Variants in OSBPL9 observed in about 807,000 individuals in gnomAD.
OSBPL9 encodes oxysterol-binding protein-related protein 9.
Under a neutral mutation model 106.6 loss-of-function variants are expected in OSBPL9, and 40 were observed. That is an observed-to-expected ratio of 0.38 (90% confidence interval 0.29 to 0.49). OSBPL9 has a LOEUF of 0.49. Ranked by LOEUF, OSBPL9 falls within the 20% of genes least tolerant of loss-of-function variation. The pLI is 0.97. For missense variants in OSBPL9, 609 were observed against 887.2 expected, an observed-to-expected ratio of 0.69 and a Z score of 3.98; for synonymous variants, 269 against 295.4, an observed-to-expected ratio of 0.91 and a Z score of 0.92.
Position 51,743,253 on chromosome 1 carries a change from G to A in OSBPL9, c.319-2283G>A, listed in dbSNP as rs78572564. ...CTAAAGAAAAATGGATTGATGAGTAGATCTTTGGCTTGGACCTTGTGAAGT... is the reference window on the plus strand; with the variant it reads ...CTAAAGAAAAATGGATTGATGAGTAAATCTTTGGCTTGGACCTTGTGAAGT... On this transcript the variant is annotated intron_variant, in intron 4 of 23. Transcript: ENST00000428468. Among the ~76,000 whole-genome samples the A allele has an allele frequency of 3.8e-3, 582 of 152,278 alleles. 2 individuals carry two copies. The highest frequency in any genetic ancestry group is 6.8e-3 in the Non-Finnish European group (461 of 68,016).
At chr1:51,738,423 T>C (rs1468209994) in intron 4 of OSBPL9, among the ~76,000 whole-genome samples, 2 of 152,108 alleles carry the variant, frequency 1.3e-5, no homozygotes, top group African/African-American at 4.8e-5. Flanking sequence ...ATTCTGGTTT[T>C]TCAAAGCACT....
rs118077108 is a variant in OSBPL9, at chr1:51,697,301, A to T, written c.242-16702A>T. ...ATCATGAATTGTTTTATCCTTGCTC[A>T]TATACCAAACATAGTACCCCGTGCA... On this transcript the variant is annotated intron_variant, in intron 3 of 23. Coordinates refer to ENST00000428468, the MANE Select transcript of OSBPL9 (RefSeq NM_024586.6). Among the ~76,000 whole-genome samples, 102 of 152,230 alleles carry T rather than the reference A, an allele frequency of 6.7e-4. No individual in the cohort carries two copies. The East Asian group carries it at 0.016, about 24-fold the overall frequency.
chr1:51,754,047 GTTC>G (rs1669827143), intron 8 of OSBPL9, among the ~76,000 whole-genome samples: 2 of 152,340 alleles, frequency 1.3e-5, no homozygotes, highest in South Asian at 4.1e-4. Flanking sequence ...GACAGCTGAT[GTTC>G]TTCTCCTGGG....
intron 3 of OSBPL9, among the ~76,000 whole-genome samples, chr1:51,697,956 G>A (rs1025961700): frequency 1.3e-5 from 2 of 151,804 alleles, no homozygotes; most frequent in African/African-American, 4.8e-5. Flanking sequence ...CTGTTGGATT[G>A]ATAGAACATG....
At chr1:51,572,595 G>C (rs1193957081), upstream of OSBPL9, among the ~76,000 whole-genome samples, 1 of 152,140 alleles carries the variant, frequency 6.6e-6, no homozygotes, top group African/African-American at 2.4e-5. Context: ...AAGCAGCATA[G>C]TCCAGCAGTA....
rs1667769363 is a variant in OSBPL9, at chr1:51,745,386, C to T, written c.319-150C>T. 3.5e-6 allele frequency: 4 copies of T among 1,142,220 alleles called. No homozygotes were observed. The South Asian group carries it at 5.0e-5, about 14-fold the overall frequency. 70.8% of individuals were successfully genotyped at this position (1,142,220 alleles called of 1,614,324 possible). On this transcript the variant is annotated intron_variant, in intron 4 of 23. Transcript: ENST00000428468. Reference sequence around the variant, plus strand: ...ATTGATGTACCACTGTTTAAATAGACCTAACTGTTAAATAGACCTATTATT... The same window carrying T: ...ATTGATGTACCACTGTTTAAATAGATCTAACTGTTAAATAGACCTATTATT...
chr1:51,715,289 T>C (rs929189743), intron 4 of OSBPL9, among the ~76,000 whole-genome samples: 16 of 152,352 alleles, frequency 1.1e-4, no homozygotes, highest in Middle Eastern at 6.8e-3. Flanking sequence ...AGGAAATCTT[T>C]AAGCTACTCT....
Position 51,772,303 on chromosome 1 carries a change from G to A in OSBPL9, c.1051+121G>A, listed in dbSNP as rs1021762126. On this transcript the variant is annotated intron_variant, in intron 13 of 23. Coordinates refer to ENST00000428468, the MANE Select transcript of OSBPL9 (RefSeq NM_024586.6). ...GAGGTGGGCAGATCACTTGAGGTCC[G>A]GAGTTCAAGACCAGCCTGACCAACA... is the stretch of plus-strand genomic sequence containing the variant. 3.7e-5 allele frequency: 29 copies of A among 779,692 alleles called. No homozygotes were observed. In the East Asian group the frequency reaches 4.1e-4, roughly 11 times the overall value. 48.3% of individuals were successfully genotyped at this position (779,692 alleles called of 1,614,324 possible).
At chr1:51,541,513 A>G in the OSBPL9 span, among the ~76,000 whole-genome samples, 1 of 152,180 alleles carries the variant, frequency 6.6e-6, no homozygotes, top group African/African-American at 2.4e-5. Context: ...TGACAGAGAA[A>G]TATTGATTTG....
the OSBPL9 span, among the ~76,000 whole-genome samples, chr1:51,553,871 G>C: frequency 1.3e-5 from 2 of 152,130 alleles, no homozygotes; most frequent in African/African-American, 4.8e-5. Context: ...AGAGACAGGG[G>C]TTTCTCCATG....
chr1:51,692,655 T>C (rs1457530938), intron 3 of OSBPL9, among the ~76,000 whole-genome samples: 4 of 143,934 alleles, frequency 2.8e-5, no homozygotes, highest in Non-Finnish European at 6.1e-5. Flanking sequence ...CTCCCTCCCT[T>C]CCTTTCTTTC....
intron 3 of OSBPL9, among the ~76,000 whole-genome samples, chr1:51,677,901 C>T (rs1228791806): frequency 6.6e-6 from 1 of 151,850 alleles, no homozygotes; most frequent in Admixed American, 6.6e-5. Flanking sequence ...CAGCTGGGCA[C>T]AGCGGCTCAC....
the OSBPL9 span, among the ~76,000 whole-genome samples, chr1:51,522,217 G>A: frequency 0.021 from 3,241 of 152,230 alleles, 55 homozygotes; most frequent in Non-Finnish European, 0.031. Context: ...TTTATAAATA[G>A]CTTCTATAAG....
intron 6 of OSBPL9, 118 bp downstream of exon 6, chr1:51,746,875 T>A: frequency 1.3e-6 from 1 of 759,130 alleles, no homozygotes; most frequent in Non-Finnish European, 2.1e-6. Flanking sequence ...TAGTGTAATA[T>A]TACTGCCATA....
chr1:51,765,647 G>T, intron 11 of OSBPL9, 175 bp from the exon 12 acceptor site: 1 of 498,126 alleles, frequency 2.0e-6, no homozygotes, highest in East Asian at 3.5e-5. Flanking sequence ...TTTATATCAT[G>T]ATTTGCCATT....
At chr1:51,579,000 A>T (rs1645203578) in intron 1 of OSBPL9, among the ~76,000 whole-genome samples, 1 of 151,960 alleles carries the variant, frequency 6.6e-6, no homozygotes, top group South Asian at 2.1e-4. Context: ...CTTGTGATGT[A>T]GCTCAAATCA....
intron 16 of OSBPL9, chr1:51,781,573 T>G (rs1371396688): frequency 2.7e-6 from 1 of 365,036 alleles, no homozygotes; most frequent in Non-Finnish European, 5.0e-6. Context: ...ATAATATAAT[T>G]TTATGGCTTT....
chr1:51,663,695 G>A (rs1647693513), intron 2 of OSBPL9, among the ~76,000 whole-genome samples: 1 of 152,208 alleles, frequency 6.6e-6, no homozygotes. Flanking sequence ...ATATCATTAT[G>A]TGAGTGCAAA....
At chr1:51,519,314 AGGCGAGGCCGGGGCGGGCGGGCGGGC>A in the OSBPL9 span, 1 of 107,134 alleles carries the variant, frequency 9.3e-6, no homozygotes, top group African/African-American at 4.2e-5. Flanking sequence ...GAGCGGCCGC[AGGCGAGGCCGGGGCGGGCGGGCGGGC>A]GTCTCCCCTA....
Sources: allele counts gnomAD v4.1 joint callset (sites outside exome capture counted in the v4.1 genomes callset), GRCh38; gene constraint gnomAD v4.1.1; transcripts MANE v1.5; gene names NCBI Gene and HGNC (gene_info 2026-07-23, HGNC 2026-07-21).